The following CRPPA variants were observed in gnomAD, a reference collection of about 807,000 sequenced individuals.
The protein encoded by CRPPA is CDP-L-ribitol pyrophosphorylase A.
Under a neutral mutation model 52.0 loss-of-function variants are expected in CRPPA, and 43 were observed. The observed-to-expected ratio is 0.83, with a 90% CI of 0.65 to 1.07. The LOEUF (loss-of-function observed/expected upper bound fraction) is 1.07. Among genes scored for constraint, CRPPA ranks in the 50% least tolerant of loss-of-function variants. The pLI is 0.00. For synonymous variants in CRPPA, 250 were observed against 203.5 expected, an observed-to-expected ratio of 1.23 and a Z score of -1.94; for missense variants, 629 against 551.7, an observed-to-expected ratio of 1.14 and a Z score of -1.40.
chr7:16,390,408 G>C (rs1468212567), intron 2 of CRPPA, among the ~76,000 whole-genome samples: 2 of 152,028 alleles, frequency 1.3e-5, no homozygotes, highest in Non-Finnish European at 2.9e-5. Flanking sequence ...ATTTCAATCA[G>C]GCCATTATCG....
intron 8 of CRPPA, among the ~76,000 whole-genome samples, chr7:16,233,608 C>A (rs190788104): frequency 3.9e-5 from 6 of 152,248 alleles, no homozygotes; most frequent in East Asian, 1.9e-4. Context: ...CATGTCTGCA[C>A]ACATAAGACA....
chr7:16,339,765 C>T (rs1419682797), intron 3 of CRPPA, among the ~76,000 whole-genome samples: 3 of 152,166 alleles, frequency 2.0e-5, no homozygotes, highest in African/African-American at 7.2e-5. Context: ...CAGGTGACAT[C>T]ACTGTCTATG....
At chr7:16,218,944 A>C (rs1782417195) in intron 8 of CRPPA, among the ~76,000 whole-genome samples, 1 of 152,176 alleles carries the variant, frequency 6.6e-6, no homozygotes, top group Admixed American at 6.5e-5. Context: ...AAGCAGACCT[A>C]ATAGACATCT....
chr7:16,229,858 G>A (rs936771399), intron 8 of CRPPA, among the ~76,000 whole-genome samples: 9 of 151,992 alleles, frequency 5.9e-5, no homozygotes, highest in Non-Finnish European at 1.2e-4. Context: ...GTTTGTCCAG[G>A]AAAGTATTCA....
intron 9 of CRPPA, among the ~76,000 whole-genome samples, chr7:16,190,842 C>G (rs1208900459): frequency 6.6e-6 from 1 of 152,080 alleles, no homozygotes; most frequent in Non-Finnish European, 1.5e-5. Flanking sequence ...GCTTAGCTCC[C>G]ATTTATGAGT....
chr7:16,261,039 A>G (rs1156516017), intron 6 of CRPPA, among the ~76,000 whole-genome samples: 3 of 152,050 alleles, frequency 2.0e-5, no homozygotes, highest in Non-Finnish European at 4.4e-5. Flanking sequence ...CATATAAATA[A>G]TTACTCTGAA....
chr7:16,327,397 C>A lies in CRPPA; in HGVS notation c.685-18770G>T, dbSNP rs546175497. 9.9e-5 allele frequency among the ~76,000 whole-genome samples: 15 copies of A among 151,634 alleles called. No homozygotes were observed. The East Asian group carries it at 2.9e-3, about 30-fold the overall frequency. On this transcript the variant is annotated intron_variant, in intron 3 of 9. Coordinates refer to ENST00000407010, the MANE Select transcript of CRPPA (RefSeq NM_001101426.4). ...CATGAGGTCAGGAGATCGAGACCAT[C>A]CTGGCTAACAAGGTGAAACCCCGTC...
At chr7:16,161,889 C>G (rs755982538) in intron 9 of CRPPA, among the ~76,000 whole-genome samples, 1 of 152,050 alleles carries the variant, frequency 6.6e-6, no homozygotes, top group Non-Finnish European at 1.5e-5. Flanking sequence ...TTTAGGGATT[C>G]AATTTCTTCC....
intron 3 of CRPPA, among the ~76,000 whole-genome samples, chr7:16,360,052 C>T (rs1786401265): frequency 2.6e-5 from 4 of 152,172 alleles, no homozygotes; most frequent in African/African-American, 9.7e-5. Flanking sequence ...AACTGGACTT[C>T]ATCCACACTG....
chr7:16,374,732 G>A (rs544354162), intron 3 of CRPPA, among the ~76,000 whole-genome samples: 1 of 151,894 alleles, frequency 6.6e-6, no homozygotes, highest in East Asian at 1.9e-4. Flanking sequence ...AATGCAGTAG[G>A]TCCCATCCAC....
chr7:16,414,350 A>AACAC (rs3085030), intron 1 of CRPPA, among the ~76,000 whole-genome samples: 3,660 of 138,516 alleles, frequency 0.026, 59 homozygotes, highest in East Asian at 0.037. Context: ...CCCCTACCCC[A>AACAC]ACACACACAC....
chr7:16,251,001 C>A (rs917565830), intron 8 of CRPPA, among the ~76,000 whole-genome samples: 1 of 151,582 alleles, frequency 6.6e-6, no homozygotes, highest in Non-Finnish European at 1.5e-5. Flanking sequence ...CAAAGACATA[C>A]ATACACTCAA....
chr7:16,342,343 G>A (rs1785868095), intron 3 of CRPPA, among the ~76,000 whole-genome samples: 1 of 151,998 alleles, frequency 6.6e-6, no homozygotes, highest in South Asian at 2.1e-4. Context: ...TATTTCATTT[G>A]AGAAAATGAC....
At position 16,379,263 on chromosome 7, in the gene CRPPA, C is replaced by T. The variant is rs150480070; in HGVS notation, c.535-3022G>A. 3.0e-3 allele frequency among the ~76,000 whole-genome samples: 456 copies of T among 152,204 alleles called. 2 individuals are homozygous for T. The highest frequency in any genetic ancestry group is 1.0e-2 in the African/African-American group (414 of 41,526). ...TAGGTCTAACGTTTAAGTCTTTAAT[C>T]CATCTTGAATTAATTTGTCAAAGAT... On this transcript the variant is annotated intron_variant, in intron 2 of 9. Transcript: ENST00000407010.
chr7:16,311,005 T>A (rs978672498), intron 3 of CRPPA, among the ~76,000 whole-genome samples: 1 of 152,152 alleles, frequency 6.6e-6, no homozygotes, highest in African/African-American at 2.4e-5. Flanking sequence ...ATCCATGCAT[T>A]GTTTTCTTTC....
intron 1 of CRPPA, among the ~76,000 whole-genome samples, chr7:16,414,197 T>G (rs1030506666): frequency 2.6e-5 from 4 of 152,112 alleles, no homozygotes; most frequent in African/African-American, 9.7e-5. Flanking sequence ...CCAGACCTTG[T>G]TCAAATCCAC....
intron 6 of CRPPA, among the ~76,000 whole-genome samples, chr7:16,276,124 G>A (rs1299876532): frequency 6.6e-6 from 1 of 151,784 alleles, no homozygotes; most frequent in African/African-American, 2.4e-5. Flanking sequence ...ATAAAAGACG[G>A]GAAGTAAGAA....
At chr7:16,189,113 A>C (rs1451195594) in intron 9 of CRPPA, among the ~76,000 whole-genome samples, 1 of 152,184 alleles carries the variant, frequency 6.6e-6, no homozygotes, top group African/African-American at 2.4e-5. Flanking sequence ...CCTCATGCAC[A>C]TTTCAAAGTT....
At position 16,110,978 on chromosome 7, in the gene CRPPA, G is replaced by C. The variant is rs1023668201; in HGVS notation, c.1252-19179C>G. On this transcript the variant is annotated intron_variant, in intron 9 of 9. Coordinates refer to ENST00000407010, the MANE Select transcript of CRPPA (RefSeq NM_001101426.4). ...TCAAAAGGAAGCAACAGTAGGAAGA[G>C]ACAATCTACAGATTGGGAGAAAATC... Among the ~76,000 whole-genome samples the C allele has an allele frequency of 3.3e-5, 5 of 152,034 alleles. No individual in the cohort carries two copies. In the East Asian group the frequency reaches 7.7e-4, roughly 23 times the overall value.
Sources: gnomAD v4.1 joint callset for allele counts (sites outside exome capture counted in the v4.1 genomes callset) on GRCh38, gnomAD v4.1.1 for gene constraint, MANE v1.5 for transcripts, NCBI Gene and HGNC (gene_info 2026-07-23, HGNC 2026-07-21) for gene names.